Variants in NRF1 observed in about 807,000 individuals in gnomAD.
The protein encoded by NRF1 is nuclear respiratory factor 1.
In NRF1, 5 loss-of-function variants were observed where a neutral mutation model predicts 58.5. The ratio of observed to expected loss-of-function variants is 0.09; its 90% CI spans 0.04 to 0.18. The LOEUF (loss-of-function observed/expected upper bound fraction) is 0.18, where lower values mean the gene tolerates loss of function less well. Among genes scored for constraint, NRF1 ranks in the 10% least tolerant of loss-of-function variants. The pLI, the probability that NRF1 is intolerant of heterozygous loss-of-function variation, is 1.00. For missense variants in NRF1, 288 were observed against 657.7 expected (o/e 0.44, Z 6.15); for synonymous variants, 224 against 246.7 (o/e 0.91, Z 0.86).
chr7:129,640,052 G>C (rs1412853373), intron 1 of NRF1, among the ~76,000 whole-genome samples: 1 of 152,156 alleles, frequency 6.6e-6, no homozygotes, highest in Non-Finnish European at 1.5e-5. Flanking sequence ...GAATCATGCT[G>C]TCAGACCTCT....
At chr7:129,750,223 G>A (rs1804081165) in intron 10 of NRF1, among the ~76,000 whole-genome samples, 2 of 152,304 alleles carry the variant, frequency 1.3e-5, no homozygotes, top group East Asian at 1.9e-4. Flanking sequence ...CAGAATACAA[G>A]CTTGGATTAA....
At chr7:129,651,435 A>G (rs957988819) in intron 1 of NRF1, among the ~76,000 whole-genome samples, 2 of 140,040 alleles carry the variant, frequency 1.4e-5, no homozygotes, top group African/African-American at 5.2e-5. Context: ...AAAAAAAAAA[A>G]TGGTTAGAGA....
At chr7:129,691,364 A>ATTAT (rs368047646) in intron 5 of NRF1, among the ~76,000 whole-genome samples, 16 of 134,172 alleles carry the variant, frequency 1.2e-4, no homozygotes, top group African/African-American at 3.9e-4. Flanking sequence ...TATTATTATT[A>ATTAT]TTTTTTTTTT....
intron 4 of NRF1, among the ~76,000 whole-genome samples, chr7:129,681,807 T>G (rs2402968): frequency 1.3e-5 from 2 of 151,874 alleles, no homozygotes; most frequent in Non-Finnish European, 2.9e-5. Flanking sequence ...AAACATGGGG[T>G]CAGGTACAGT....
Position 129,719,497 on chromosome 7 carries a change from AACACACACAC to A in NRF1, c.1223+2159_1223+2168del, listed in dbSNP as rs67443980. On this transcript the variant is annotated intron_variant, in intron 9 of 10. Coordinates refer to ENST00000393232, the MANE Select transcript of NRF1 (RefSeq NM_005011.5). Reference sequence around the variant, plus strand: ...TGGTTGATTAGGAATAGGAAACTGAAACACACACACACACACACACACACACACACACACA... The same window carrying A: ...TGGTTGATTAGGAATAGGAAACTGAAACACACACACACACACACACACACA... 2.8e-3 allele frequency among the ~76,000 whole-genome samples: 403 copies of A among 141,998 alleles called. 4 individuals carry two copies. Among genetic ancestry groups the A allele is most frequent in the South Asian group, 0.017 (75 of 4,384 alleles). The allele number at this position is 141,998 out of a possible 152,430, so 93.2% of individuals were successfully genotyped here.
At chr7:129,725,078 G>A (rs1051579595) in intron 9 of NRF1, among the ~76,000 whole-genome samples, 24 of 152,206 alleles carry the variant, frequency 1.6e-4, no homozygotes, top group African/African-American at 4.8e-4. Flanking sequence ...AAAAATCATC[G>A]AGGCAGAAAG....
intron 8 of NRF1, among the ~76,000 whole-genome samples, chr7:129,712,723 C>T (rs1159268692): frequency 6.6e-6 from 1 of 152,144 alleles, no homozygotes; most frequent in Non-Finnish European, 1.5e-5. Flanking sequence ...TCCTTTCCAC[C>T]TAAGGAGCCT....
chr7:129,734,618 C>T (rs1340474822), intron 10 of NRF1, among the ~76,000 whole-genome samples: 1 of 152,218 alleles, frequency 6.6e-6, no homozygotes, highest in Non-Finnish European at 1.5e-5. Flanking sequence ...CACACACAGG[C>T]TTGCCTTTGC....
intron 1 of NRF1, among the ~76,000 whole-genome samples, chr7:129,637,252 GA>G (rs35335362): frequency 0.17 from 22,049 of 133,122 alleles, 1,675 homozygotes; most frequent in African/African-American, 0.24. Context: ...AGGCTCTGCT[GA>G]AAAAAAAAAA....
chr7:129,740,288 A>C (rs896444718), intron 10 of NRF1, among the ~76,000 whole-genome samples: 1 of 152,168 alleles, frequency 6.6e-6, no homozygotes, highest in African/African-American at 2.4e-5. Context: ...GTAACTGTTG[A>C]CTACCACTGC....
Position 129,632,848 on chromosome 7 carries a change from A to T in NRF1, c.-7+21024A>T, listed in dbSNP as rs144217075. Among the ~76,000 whole-genome samples, 255 of 152,302 alleles carry T rather than the reference A, an allele frequency of 1.7e-3. 1 individual carries two copies. The highest frequency in any genetic ancestry group is 5.2e-3 in the African/African-American group (218 of 41,560). On this transcript the variant is annotated intron_variant, in intron 1 of 10. Coordinates refer to ENST00000393232, the MANE Select transcript of NRF1 (RefSeq NM_005011.5). ...TTTAAAAATAAAGGGAAGTATGAAG[A>T]TGATAAAAATTTGTAGCCCAGCTAT...
chr7:129,672,619 G>A (rs1802073750), intron 3 of NRF1, among the ~76,000 whole-genome samples: 2 of 152,126 alleles, frequency 1.3e-5, no homozygotes, highest in Non-Finnish European at 2.9e-5. Context: ...GATGTATTTC[G>A]AAAGTCAACT....
At chr7:129,672,861 G>A (rs1397263874) in intron 3 of NRF1, among the ~76,000 whole-genome samples, 1 of 152,136 alleles carries the variant, frequency 6.6e-6, no homozygotes, top group African/African-American at 2.4e-5. Context: ...GAAATGAGAG[G>A]CCTTAGCTGA....
intron 10 of NRF1, among the ~76,000 whole-genome samples, chr7:129,738,191 A>G (rs1298364659): frequency 6.6e-6 from 1 of 152,260 alleles, no homozygotes; most frequent in Non-Finnish European, 1.5e-5. Flanking sequence ...CTCCTTTGGA[A>G]TCACAGGCCT....
intron 1 of NRF1, among the ~76,000 whole-genome samples, chr7:129,620,419 C>T (rs188941940): frequency 4.1e-5 from 6 of 146,802 alleles, no homozygotes; most frequent in Non-Finnish European, 6.0e-5. Context: ...GATAGAGTCT[C>T]GCTTTGTCAC....
chr7:129,625,203 T>G (rs1800886768), intron 1 of NRF1, among the ~76,000 whole-genome samples: 1 of 152,186 alleles, frequency 6.6e-6, no homozygotes, highest in Admixed American at 6.5e-5. Flanking sequence ...CCGTGTAATC[T>G]CTATCTGCTT....
chr7:129,650,725 AT>A (rs952563642), intron 1 of NRF1, among the ~76,000 whole-genome samples: 13 of 148,470 alleles, frequency 8.8e-5, no homozygotes, highest in Non-Finnish European at 7.5e-5. Flanking sequence ...ATAGGTAGTC[AT>A]TTTTTTTTTC....
Position 129,718,797 on chromosome 7 carries a change from C to T in NRF1, c.1223+1421C>T, listed in dbSNP as rs183871259. 5.3e-5 allele frequency among the ~76,000 whole-genome samples: 8 copies of T among 152,262 alleles called. No individual in the cohort carries two copies. In the East Asian group the frequency reaches 9.6e-4, roughly 18 times the overall value. On this transcript the variant is annotated intron_variant, in intron 9 of 10. Transcript: ENST00000393232. ...ATGGTGGCTGAGAGCAGGGTTCCAACGTCACATAGATTCAGGTTTGAATCC... is the reference window on the plus strand; with the variant it reads ...ATGGTGGCTGAGAGCAGGGTTCCAATGTCACATAGATTCAGGTTTGAATCC...
rs575269379 is a variant in NRF1, at chr7:129,656,622, T to C, written c.-6-724T>C. On this transcript the variant is annotated intron_variant, in intron 1 of 10. Coordinates refer to ENST00000393232, the MANE Select transcript of NRF1 (RefSeq NM_005011.5). The stretch of plus-strand genomic sequence containing the variant: ...CAGAGTCTTGCTCTGTCTCCCAGGC[T>C]GGAGTACAATGGCACAACCTTGGCT... 1.2e-4 allele frequency among the ~76,000 whole-genome samples: 19 copies of C among 152,244 alleles called. No individual in the cohort carries two copies. In the East Asian group the frequency reaches 3.7e-3, roughly 29 times the overall value.
Sources: gnomAD v4.1 joint callset for allele counts (sites outside exome capture counted in the v4.1 genomes callset) on GRCh38, gnomAD v4.1.1 for gene constraint, MANE v1.5 for transcripts, NCBI Gene and HGNC (gene_info 2026-07-23, HGNC 2026-07-21) for gene names.